CACNA2D1: variants seen among roughly 807,000 people sequenced by gnomAD.
CACNA2D1 encodes the protein calcium voltage-gated channel auxiliary subunit alpha2delta 1, also known as voltage-dependent calcium channel subunit alpha-2/delta-1.
A neutral mutation model predicts 171.5 loss-of-function variants in CACNA2D1; 53 were observed. The observed-to-expected ratio is 0.31, with a 90% CI of 0.25 to 0.39. The LOEUF (loss-of-function observed/expected upper bound fraction) is 0.39. Among genes scored for constraint, CACNA2D1 ranks in the 10% least tolerant of loss-of-function variants. The probability of loss-of-function intolerance (pLI) is 1.00; values close to 1 mark genes in which losing one functional copy is unlikely to be tolerated. For synonymous variants in CACNA2D1, 442 were observed against 443.1 expected (o/e 1.00, Z 0.03); for missense variants, 903 against 1,299.8 (o/e 0.69, Z 4.69).
intron 8 of CACNA2D1, 102 bp from the exon 9 acceptor site, chr7:82,064,456 C>T: frequency 1.3e-6 from 1 of 771,800 alleles, no homozygotes; most frequent in Non-Finnish European, 2.2e-6. Context: ...TTTTTTTCCC[C>T]AAGCAAAGAC....
At chr7:82,065,292 C>T (rs1171143146) in intron 8 of CACNA2D1, among the ~76,000 whole-genome samples, 2 of 152,114 alleles carry the variant, frequency 1.3e-5, no homozygotes, top group Non-Finnish European at 1.5e-5. Context: ...GGCAGAGTGG[C>T]AGGTGAATTT....
At chr7:82,147,682 T>A (rs1365788031) in intron 4 of CACNA2D1, among the ~76,000 whole-genome samples, 1 of 152,160 alleles carries the variant, frequency 6.6e-6, no homozygotes, top group Non-Finnish European at 1.5e-5. Context: ...TGTCCAATGG[T>A]AATATTAGCC....
rs2190232 is a variant in CACNA2D1, at chr7:82,443,155, T to C, written c.95+210A>G. On this transcript the variant is annotated intron_variant, in intron 1 of 38. Coordinates refer to ENST00000356860, the MANE Select transcript of CACNA2D1 (RefSeq NM_000722.4). ...AGTCGGCCCCCAGTGCCCGGCCCCGTGGAGGCGCCCGAGACGCCGGTTCGG... is the reference window on the plus strand; with the variant it reads ...AGTCGGCCCCCAGTGCCCGGCCCCGCGGAGGCGCCCGAGACGCCGGTTCGG... Among the ~76,000 whole-genome samples, 96,391 of 151,778 alleles carry C rather than the reference T, an allele frequency of 0.64. 32,002 individuals are homozygous for C. Among genetic ancestry groups the C allele is most frequent in the African/African-American group, 0.82 (34,112 of 41,484 alleles).
chr7:82,117,233 T>G, intron 5 of CACNA2D1, 60 bp from the exon 6 acceptor site: 1 of 1,516,964 alleles, frequency 6.6e-7, no homozygotes, highest in South Asian at 1.1e-5. Context: ...TATTTTCACA[T>G]GCACTTCTTT....
chr7:82,312,404 C>T (rs1814580287), intron 3 of CACNA2D1, among the ~76,000 whole-genome samples: 1 of 152,008 alleles, frequency 6.6e-6, no homozygotes, highest in Non-Finnish European at 1.5e-5. Flanking sequence ...GCCCTACAAA[C>T]TGGAGCTGGA....
At chr7:82,335,339 C>T in intron 2 of CACNA2D1, 88 bp from the exon 3 acceptor site, 2 of 801,648 alleles carry the variant, frequency 2.5e-6, no homozygotes, top group Admixed American at 1.8e-5. Flanking sequence ...AAACTATAAA[C>T]AACTGATTAG....
intron 3 of CACNA2D1, among the ~76,000 whole-genome samples, chr7:82,235,925 T>G (rs1803532023): frequency 6.6e-6 from 1 of 152,134 alleles, no homozygotes; most frequent in Admixed American, 6.6e-5. Flanking sequence ...CTCATTCCCC[T>G]CATTCATCTA....
intron 38 of CACNA2D1, among the ~76,000 whole-genome samples, chr7:81,952,262 C>G (rs942176627): frequency 2.0e-5 from 3 of 151,914 alleles, no homozygotes; most frequent in African/African-American, 7.2e-5. Context: ...ATAGGTTGAA[C>G]AATTTTCTTT....
At chr7:82,076,409 C>T (rs1019928361) in intron 7 of CACNA2D1, among the ~76,000 whole-genome samples, 8 of 152,040 alleles carry the variant, frequency 5.3e-5, no homozygotes, top group African/African-American at 1.9e-4. Flanking sequence ...CACTTTTCTC[C>T]CAAAATAAGA....
intron 10 of CACNA2D1, among the ~76,000 whole-genome samples, chr7:82,046,884 T>G (rs1584530376): frequency 6.6e-6 from 1 of 152,334 alleles, no homozygotes; most frequent in Non-Finnish European, 1.5e-5. Context: ...TCTGTTTACC[T>G]TGTTGAAATC....
At position 81,961,878 on chromosome 7, in the gene CACNA2D1, GAAAT is replaced by G. The variant is rs754772847; in HGVS notation, c.2966+12_2966+15del. 16 of 1,586,912 alleles carry G rather than the reference GAAAT, an allele frequency of 1.0e-5. No individual in the cohort carries two copies. Among genetic ancestry groups the G allele is most frequent in the African/African-American group, 1.3e-5 (1 of 74,218 alleles). On this transcript the variant is annotated intron_variant, in intron 36 of 38. Coordinates refer to ENST00000356860, the MANE Select transcript of CACNA2D1 (RefSeq NM_000722.4). The stretch of plus-strand genomic sequence containing the variant: ...TTCTTAATGAAATAGGACTACTCCT[GAAAT>G]AAATAAATTACCTGGAACAGTTTCC...
In CACNA2D1 at chr7:82,038,936, G is replaced by A. The variant is rs111273808; in HGVS notation, c.880-701C>T. The stretch of plus-strand genomic sequence containing the variant: ...TAAGAACGATCATCAAAGTAACTTC[G>A]TCAACCCCATAAAAAATATTCACAT... On this transcript the variant is annotated intron_variant, in intron 10 of 38. Coordinates refer to ENST00000356860, the MANE Select transcript of CACNA2D1 (RefSeq NM_000722.4). Among the ~76,000 whole-genome samples, 141 of 152,150 alleles carry A rather than the reference G, an allele frequency of 9.3e-4. 1 individual carries two copies. The highest frequency in any genetic ancestry group is 3.0e-3 in the African/African-American group (123 of 41,494).
chr7:82,059,830 G>T, intron 10 of CACNA2D1, among the ~76,000 whole-genome samples: 1 of 149,652 alleles, frequency 6.7e-6, no homozygotes, highest in South Asian at 2.2e-4. Flanking sequence ...AAAATGATGA[G>T]TTCATGTCCT....
At chr7:81,956,748 A>T (rs867762934) in intron 38 of CACNA2D1, among the ~76,000 whole-genome samples, 1 of 152,074 alleles carries the variant, frequency 6.6e-6, no homozygotes, top group Admixed American at 6.6e-5. Flanking sequence ...TTCCTAATCA[A>T]TGACTACTTG....
intron 19 of CACNA2D1, among the ~76,000 whole-genome samples, chr7:81,995,688 A>G (rs908169351): frequency 8.6e-5 from 13 of 151,664 alleles, no homozygotes; most frequent in Non-Finnish European, 1.8e-4. Context: ...AATCCCAGCT[A>G]CTTGGGAAGC....
At chr7:82,349,078 C>G (rs116363349) in intron 2 of CACNA2D1, among the ~76,000 whole-genome samples, 2 of 152,072 alleles carry the variant, frequency 1.3e-5, no homozygotes, top group African/African-American at 2.4e-5. Context: ...GCACCAGAAC[C>G]GTTATTACTG....
chr7:82,063,248 A>G (rs1807171723), intron 9 of CACNA2D1, among the ~76,000 whole-genome samples: 1 of 152,186 alleles, frequency 6.6e-6, no homozygotes, highest in Admixed American at 6.6e-5. Flanking sequence ...CAGGATTATA[A>G]TATATTGCAT....
chr7:81,962,074 C>G (rs1370623316), intron 35 of CACNA2D1, 51 bp from the exon 36 acceptor site: 2 of 1,578,646 alleles, frequency 1.3e-6, no homozygotes, highest in Non-Finnish European at 1.7e-6. Context: ...TAGGAGGGGT[C>G]TCTGTAGTCA....
chr7:82,389,301 T>C (rs1824814903), intron 1 of CACNA2D1, among the ~76,000 whole-genome samples: 1 of 151,712 alleles, frequency 6.6e-6, no homozygotes, highest in Non-Finnish European at 1.5e-5. Context: ...TTATAGAAAG[T>C]TATTATTTTG....
Sources: allele counts gnomAD v4.1 joint callset (sites outside exome capture counted in the v4.1 genomes callset), GRCh38; gene constraint gnomAD v4.1.1; transcripts MANE v1.5; gene names NCBI Gene and HGNC (gene_info 2026-07-23, HGNC 2026-07-21).